Variants in GRIP2 observed in about 807,000 individuals in gnomAD.
The protein encoded by GRIP2 is glutamate receptor-interacting protein 2.
GRIP2 carries 58 observed loss-of-function variants against 108.3 expected under a neutral mutation model. The observed-to-expected ratio is 0.54, with a 90% confidence interval of 0.43 to 0.67. GRIP2 has a LOEUF of 0.67. Ranked by LOEUF, GRIP2 falls within the 30% of genes least tolerant of loss-of-function variation. The pLI is 0.00. For missense variants in GRIP2, 1,278 were observed against 1,430.6 expected, an observed-to-expected ratio of 0.89 and a Z score of 1.72; for synonymous variants, 586 against 598.2, an observed-to-expected ratio of 0.98 and a Z score of 0.30.
rs561982635 is a variant in GRIP2, at chr3:14,514,608, G to A, written c.1307-130C>T. 423 of 869,562 alleles carry A rather than the reference G, an allele frequency of 4.9e-4. 3 individuals carry two copies. The South Asian group carries it at 7.5e-3, about 15-fold the overall frequency. 53.9% of individuals were successfully genotyped at this position (869,562 alleles called of 1,614,324 possible). On this transcript the variant is annotated intron_variant, in intron 11 of 23. Transcript: ENST00000621039. ...GAAGTGGGAGCCCTGACTCAGTCTG[G>A]GACCAGACAGATCACAGCTCACTCT...
chr3:14,512,156 G>A lies in GRIP2; in HGVS notation c.1720+621C>T, dbSNP rs889166492. Among the ~76,000 whole-genome samples, 1 of 152,156 alleles carries A rather than the reference G, an allele frequency of 6.6e-6. No individual in the cohort carries two copies. ...TCTCAGATGCAAAGGCCCAGAGGCA[G>A]GAAGGGGCAGGCATGGCAGGGAGCA... is the stretch of plus-strand genomic sequence containing the variant. On this transcript the variant is annotated intron_variant, in intron 14 of 23. Coordinates refer to ENST00000621039, the MANE Select transcript of GRIP2 (RefSeq NM_001080423.4). The surrounding 1 kb of genome is among the most constrained non-coding windows in gnomAD (Gnocchi z 5.1).
rs933100168 is a variant in GRIP2, at chr3:14,505,893, C to G, written c.2399-104G>C. 2.8e-6 allele frequency: 3 copies of G among 1,066,606 alleles called. No homozygotes were observed. In the African/African-American group the frequency reaches 4.9e-5, roughly 17 times the overall value. 66.1% of individuals were successfully genotyped at this position (1,066,606 alleles called of 1,614,324 possible). On this transcript the variant is annotated intron_variant, in intron 19 of 23. Transcript: ENST00000621039. The surrounding 1 kb of genome is among the most constrained non-coding windows in gnomAD (Gnocchi z 4.2). Reference sequence around the variant, plus strand: ...AGTGACCCTGGGGAGGTCGTTGCTCCTCTCTGGGCCTGCATCTACACAGCC... The same window carrying G: ...AGTGACCCTGGGGAGGTCGTTGCTCGTCTCTGGGCCTGCATCTACACAGCC...
chr3:14,495,251 T>G (rs545545013), intron 22 of GRIP2, among the ~76,000 whole-genome samples: 12 of 152,274 alleles, frequency 7.9e-5, no homozygotes, highest in African/African-American at 2.6e-4. Flanking sequence ...GCCCTTTCTC[T>G]GTCCTCTGGC....
chr3:14,525,631 G>C, intron 2 of GRIP2, 59 bp from the exon 3 acceptor site: 1 of 1,598,086 alleles, frequency 6.3e-7, no homozygotes, highest in Non-Finnish European at 8.6e-7. Context: ...CAGGCCCCCA[G>C]CTCTAAGATA....
chr3:14,525,087 C>T (rs1044544977), intron 3 of GRIP2, among the ~76,000 whole-genome samples: 2 of 152,160 alleles, frequency 1.3e-5, no homozygotes, highest in African/African-American at 4.8e-5. Context: ...AGGCAGTGAC[C>T]TCTGTGTTGA....
chr3:14,578,652 G>T, the GRIP2 span, among the ~76,000 whole-genome samples: 1 of 152,032 alleles, frequency 6.6e-6, no homozygotes, highest in Non-Finnish European at 1.5e-5. Flanking sequence ...GGGAGGCAAA[G>T]GTTGCAGTGA....
chr3:14,547,692 C>G (rs988226625), intron 1 of GRIP2, among the ~76,000 whole-genome samples: 3 of 152,164 alleles, frequency 2.0e-5, no homozygotes, highest in Non-Finnish European at 4.4e-5. Flanking sequence ...CCCTCCCCAT[C>G]CTCCTCCCCT....
chr3:14,601,680 C>T, the GRIP2 span, among the ~76,000 whole-genome samples: 4 of 152,136 alleles, frequency 2.6e-5, no homozygotes, highest in Admixed American at 2.6e-4. Flanking sequence ...TCAGTGGGGC[C>T]GAGAAGACAG....
At chr3:14,550,115 C>G (rs1575035282) in intron 1 of GRIP2, among the ~76,000 whole-genome samples, 1 of 152,220 alleles carries the variant, frequency 6.6e-6, no homozygotes, top group South Asian at 2.1e-4. Flanking sequence ...GGGCTTGACC[C>G]TGGGATTTCC....
intron 20 of GRIP2, among the ~76,000 whole-genome samples, chr3:14,504,909 G>T (rs1475998877): frequency 2.6e-5 from 4 of 152,196 alleles, no homozygotes; most frequent in Non-Finnish European, 5.9e-5. Flanking sequence ...CAGTAGAGAT[G>T]ATAGCCAAGT....
At chr3:14,573,115 C>A in the GRIP2 span, 1 of 1,431,980 alleles carries the variant, frequency 7.0e-7, no homozygotes, top group South Asian at 1.1e-5. Flanking sequence ...GCAAAGTTGT[C>A]GATCCAGGGC....
the GRIP2 span, among the ~76,000 whole-genome samples, chr3:14,586,847 T>G: frequency 6.6e-6 from 1 of 152,192 alleles, no homozygotes; most frequent in East Asian, 1.9e-4. Context: ...CACTCCATGA[T>G]GCATTCTGCC....
chr3:14,561,669 G>A, the GRIP2 span, among the ~76,000 whole-genome samples: 1 of 152,190 alleles, frequency 6.6e-6, no homozygotes, highest in African/African-American at 2.4e-5. Context: ...TGCCATCCCC[G>A]CCTGCTTCCC....
At chr3:14,518,646 C>G (rs576831013) in intron 9 of GRIP2, among the ~76,000 whole-genome samples, 1 of 152,212 alleles carries the variant, frequency 6.6e-6, no homozygotes, top group African/African-American at 2.4e-5. Context: ...TCTCCTCTTG[C>G]GCGGATGGAC....
intron 16 of GRIP2, among the ~76,000 whole-genome samples, chr3:14,510,462 G>A (rs545599753): frequency 6.6e-6 from 1 of 151,792 alleles, no homozygotes; most frequent in South Asian, 2.1e-4. Context: ...ATGGGGTTTC[G>A]CCATGTTGCC....
chr3:14,514,565 C>CT, intron 11 of GRIP2, 87 bp from the exon 12 acceptor site: 1 of 1,373,606 alleles, frequency 7.3e-7, no homozygotes, highest in Admixed American at 2.6e-5. Flanking sequence ...GCCCTAGGCA[C>CT]TGGAGCCAGA....
At chr3:14,562,452 A>T in the GRIP2 span, among the ~76,000 whole-genome samples, 1 of 152,214 alleles carries the variant, frequency 6.6e-6, no homozygotes, top group African/African-American at 2.4e-5. Flanking sequence ...AAAAGAAAAA[A>T]ATAAAATCTG....
At chr3:14,570,124 G>A in the GRIP2 span, among the ~76,000 whole-genome samples, 9 of 152,328 alleles carry the variant, frequency 5.9e-5, no homozygotes, top group African/African-American at 2.2e-4. Flanking sequence ...GTGAGAGGAA[G>A]GATGCGGGAA....
the GRIP2 span, among the ~76,000 whole-genome samples, chr3:14,598,090 C>T: frequency 6.6e-6 from 1 of 152,156 alleles, no homozygotes; most frequent in Non-Finnish European, 1.5e-5. Context: ...TGCACCCACG[C>T]ACTGGAAACC....
Sources: allele counts gnomAD v4.1 joint callset (sites outside exome capture counted in the v4.1 genomes callset), GRCh38; gene constraint gnomAD v4.1.1; non-coding constraint Gnocchi (gnomAD v3.1); transcripts MANE v1.5; gene names NCBI Gene and HGNC (gene_info 2026-07-23, HGNC 2026-07-21).